Variants in LRRC37A observed in about 807,000 individuals in gnomAD.
LRRC37A encodes leucine-rich repeat-containing protein 37A.
In LRRC37A, 3 loss-of-function variants were observed where a neutral mutation model predicts 35.4. The observed-to-expected ratio is 0.08, with a 90% CI of 0.04 to 0.22. The LOEUF is 0.22. LRRC37A is among the 10% of genes least tolerant of loss of function. The probability of loss-of-function intolerance (pLI) is 1.00; values close to 1 mark genes in which losing one functional copy is unlikely to be tolerated. For synonymous variants in LRRC37A, 23 were observed against 215.0 expected (o/e 0.11, Z 7.81); for missense variants, 67 against 565.3 (o/e 0.12, Z 8.94).
In LRRC37A at chr17:46,316,649, T is replaced by C. The variant is rs995242853; in HGVS notation, c.2907-5673T>C. Among the ~76,000 whole-genome samples the C allele has an allele frequency of 1.0e-4, 7 of 67,842 alleles. 1 individual carries two copies. The highest frequency in any genetic ancestry group is 2.7e-4 in the African/African-American group (7 of 26,052). The allele number at this position is 67,842 out of a possible 152,430, so 44.5% of individuals were successfully genotyped here. Reference sequence around the variant, plus strand: ...TTTTTTTTTATTGATCATTCTTGGGTGTTTCTCGCAGAGGGGGATTTGGCA... The same window carrying C: ...TTTTTTTTTATTGATCATTCTTGGGCGTTTCTCGCAGAGGGGGATTTGGCA... On this transcript the variant is annotated intron_variant, in intron 5 of 13. Coordinates refer to ENST00000320254, the Ensembl canonical transcript of LRRC37A.
chr17:46,271,665 A>AGATTAC, the LRRC37A span, among the ~76,000 whole-genome samples: 15,432 of 143,946 alleles, frequency 0.11, 1 homozygote, highest in Middle Eastern at 0.17. Flanking sequence ...CCAGGAAGGT[A>AGATTAC]GATTACAAAC....
chr17:46,275,798 A>G, the LRRC37A span, among the ~76,000 whole-genome samples: 3 of 152,234 alleles, frequency 2.0e-5, no homozygotes, highest in East Asian at 1.9e-4. Context: ...ATATAAAGGG[A>G]AAAATTATGC....
the LRRC37A span, among the ~76,000 whole-genome samples, chr17:46,276,034 G>T: frequency 0.11 from 15,300 of 143,340 alleles, 1 homozygote; most frequent in Non-Finnish European, 0.16. Context: ...GGGATTACAG[G>T]TGCCTGCCAC....
the LRRC37A span, among the ~76,000 whole-genome samples, chr17:46,277,137 G>A: frequency 1.3e-5 from 2 of 152,322 alleles, no homozygotes; most frequent in South Asian, 4.1e-4. Context: ...TTGAGCAAAC[G>A]TCTCCATTCA....
the LRRC37A span, among the ~76,000 whole-genome samples, chr17:46,248,620 A>C: frequency 6.6e-6 from 1 of 152,030 alleles, no homozygotes; most frequent in Admixed American, 6.5e-5. Context: ...CCCAGGTTCA[A>C]GTGATTCTCC....
chr17:46,283,569 C>T, the LRRC37A span, among the ~76,000 whole-genome samples: 2 of 152,234 alleles, frequency 1.3e-5, no homozygotes, highest in African/African-American at 4.8e-5. Flanking sequence ...TGAGCTTCCT[C>T]TGCAATAATG....
chr17:46,278,567 C>T, the LRRC37A span, among the ~76,000 whole-genome samples: 1 of 151,654 alleles, frequency 6.6e-6, no homozygotes, highest in African/African-American at 2.4e-5. Flanking sequence ...CTGCGACCGG[C>T]TAATTTTTGT....
chr17:46,325,082 A>T (rs1479856690), intron 7 of LRRC37A, among the ~76,000 whole-genome samples: 1 of 72,658 alleles, frequency 1.4e-5, no homozygotes, highest in African/African-American at 3.6e-5. Flanking sequence ...TCACTTTCTT[A>T]TCTTGACCAG....
At chr17:46,291,901 C>A (rs1366987727), upstream of LRRC37A, among the ~76,000 whole-genome samples, 2 of 145,112 alleles carry the variant, frequency 1.4e-5, no homozygotes, top group East Asian at 2.1e-4. Flanking sequence ...GGGGAGGCTG[C>A]GATGGGGTGT....
the LRRC37A span, among the ~76,000 whole-genome samples, chr17:46,253,148 T>C: frequency 2.2e-5 from 3 of 135,706 alleles, no homozygotes; most frequent in East Asian, 2.2e-4. Flanking sequence ...ACCTCCCAGA[T>C]GGGGTCACGG....
the LRRC37A span, among the ~76,000 whole-genome samples, chr17:46,278,176 C>T: frequency 6.6e-6 from 1 of 152,104 alleles, no homozygotes; most frequent in Admixed American, 6.5e-5. Flanking sequence ...GAACTCCTGA[C>T]CTCAGATGAT....
chr17:46,333,030 T>C (rs1160960942), intron 10 of LRRC37A, among the ~76,000 whole-genome samples: 1 of 138,974 alleles, frequency 7.2e-6, no homozygotes. Context: ...AGGTATAATC[T>C]CCACCCTCAC....
chr17:46,317,142 G>A (rs532713747), intron 5 of LRRC37A, among the ~76,000 whole-genome samples: 3 of 89,938 alleles, frequency 3.3e-5, no homozygotes, highest in Admixed American at 1.1e-4. Context: ...CTCCCAGATG[G>A]GGTGGCGGCC....
At chr17:46,258,286 C>T in the LRRC37A span, among the ~76,000 whole-genome samples, 1 of 151,870 alleles carries the variant, frequency 6.6e-6, no homozygotes, top group Non-Finnish European at 1.5e-5. Context: ...TCCCAGCTCA[C>T]TGCAACCTCT....
At chr17:46,259,551 C>G in the LRRC37A span, 1 of 1,611,278 alleles carries the variant, frequency 6.2e-7, no homozygotes, top group Non-Finnish European at 8.5e-7. Flanking sequence ...AATGGAGTCA[C>G]TGTTTAACCA....
the LRRC37A span, among the ~76,000 whole-genome samples, chr17:46,253,522 G>A: frequency 1.3e-5 from 2 of 152,214 alleles, no homozygotes; most frequent in Admixed American, 6.5e-5. Flanking sequence ...CGAGGCTGGC[G>A]GATCACTCGC....
the LRRC37A span, among the ~76,000 whole-genome samples, chr17:46,278,210 T>C: frequency 6.6e-6 from 1 of 152,136 alleles, no homozygotes; most frequent in South Asian, 2.1e-4. Context: ...CCTTCCCAAG[T>C]GCTGGGATTA....
At chr17:46,254,395 G>GTATTTATTTATTTATCTATC in the LRRC37A span, among the ~76,000 whole-genome samples, 687 of 151,218 alleles carry the variant, frequency 4.5e-3, 1 homozygote, top group African/African-American at 0.016. Flanking sequence ...GCCATTTATT[G>GTATTTATTTATTTATCTATC]TATTTATTTA....
At chr17:46,262,807 G>T in the LRRC37A span, among the ~76,000 whole-genome samples, 1 of 149,824 alleles carries the variant, frequency 6.7e-6, no homozygotes. Flanking sequence ...AAAAAGAAAA[G>T]AAAAGAAAAA....
Sources: gnomAD v4.1 joint callset for allele counts (sites outside exome capture counted in the v4.1 genomes callset) on GRCh38, gnomAD v4.1.1 for gene constraint, MANE v1.5 for transcripts, NCBI Gene and HGNC (gene_info 2026-07-23, HGNC 2026-07-21) for gene names.